The following CATSPERG variants were observed in gnomAD, a reference collection of about 807,000 sequenced individuals.
CATSPERG encodes the protein catsper channel auxiliary subunit gamma.
In CATSPERG, 115 loss-of-function variants were observed where a neutral mutation model predicts 145.0. That is an observed-to-expected ratio of 0.79 (90% CI 0.68 to 0.93). CATSPERG has a LOEUF of 0.93. Among genes scored for constraint, CATSPERG ranks in the 40% least tolerant of loss-of-function variants. CATSPERG has a pLI of 0.00. For synonymous variants in CATSPERG, 588 were observed against 589.0 expected (o/e 1.00, Z 0.02); for missense variants, 1,296 against 1,490.1 (o/e 0.87, Z 2.14).
chr19:38,369,975 GCT>G lies in CATSPERG; in HGVS notation c.3027_3028del (p.Cys1010SerfsTer8), dbSNP rs773580892. 5 of 1,614,054 alleles carry G rather than the reference GCT, an allele frequency of 3.1e-6. No homozygotes were observed. The African/African-American group carries it at 5.3e-5, about 17-fold the overall frequency. The stretch of plus-strand genomic sequence containing the variant: ...CTGCCTGATCTTTGGCTTGCAGGTG[GCT>G]CTGTCTGGAGAATGCCCCATGCTAT... ...MSHESPGIEWLCLENAPCYDN... is the reference protein window; with the variant it reads ...MSHESPGIEWXCLENAPCYDN... On this transcript the variant is annotated frameshift_variant, in exon 27 of 29. Transcript: ENST00000409235. LOFTEE classifies it high-confidence loss of function.
rs1969823797 is a variant in CATSPERG, at chr19:38,335,861, T to C, written c.-29T>C. ...GCGGCCGAGTGACAGTTGACCGGTT[T>C]TAACCAAGTGACTGGTACCACGGGG... On this transcript the variant is annotated 5_prime_UTR_variant, in exon 1 of 29. Coordinates refer to ENST00000409235, the MANE Select transcript of CATSPERG (RefSeq NM_021185.5). 1.3e-5 allele frequency: 3 copies of C among 237,350 alleles called. No homozygotes were observed. The highest frequency in any genetic ancestry group is 1.1e-4 in the South Asian group (3 of 26,252). 14.7% of individuals were successfully genotyped at this position (237,350 alleles called of 1,614,324 possible).
At chr19:38,342,532 A>G (rs1332402833) in intron 3 of CATSPERG, among the ~76,000 whole-genome samples, 1 of 151,426 alleles carries the variant, frequency 6.6e-6, no homozygotes, top group Admixed American at 6.6e-5. Context: ...CCCAGGAGAC[A>G]GAGGCTGCAG....
At chr19:38,341,624 G>A (rs113164688) in intron 3 of CATSPERG, among the ~76,000 whole-genome samples, 2,411 of 152,218 alleles carry the variant, frequency 0.016, 60 homozygotes, top group African/African-American at 0.055. Flanking sequence ...AAATTGGGCC[G>A]GGCATAGTGG....
intron 7 of CATSPERG, 130 bp downstream of exon 7, chr19:38,346,735 G>T (rs1383361953): frequency 1.2e-5 from 10 of 822,958 alleles, no homozygotes; most frequent in Non-Finnish European, 1.7e-5. Context: ...GAGGCAGATA[G>T]CATGAAGAAA....
chr19:38,369,818 C>T (rs78474816), intron 26 of CATSPERG, among the ~76,000 whole-genome samples, 154 bp from the exon 27 acceptor site: 3,640 of 152,246 alleles, frequency 0.024, 56 homozygotes, highest in South Asian at 0.045. Flanking sequence ...GTTCAGTCAG[C>T]ATGAATGAAT....
At chr19:38,341,547 T>C (rs1969938192) in intron 3 of CATSPERG, among the ~76,000 whole-genome samples, 1 of 152,096 alleles carries the variant, frequency 6.6e-6, no homozygotes, top group East Asian at 1.9e-4. Flanking sequence ...GAAGATTGCT[T>C]GAGCCCAAGA....
At chr19:38,360,033 A>C (rs1600474296) in intron 14 of CATSPERG, 1 of 985,284 alleles carries the variant, frequency 1.0e-6, no homozygotes, top group Non-Finnish European at 1.2e-6. Context: ...GGGATCCCCC[A>C]GGTTGTGGCT....
rs1018122170 is a variant in CATSPERG at position 38,354,742 on chromosome 19, A to C, written c.1030A>C (p.Ile344Leu). Residue 344 changes from isoleucine (I) to leucine (L), a missense_variant, in exon 9 of 29, where the codon ATC (isoleucine) becomes CTC (leucine). Ile to Leu is a conservative substitution (Grantham distance 5). Transcript: ENST00000409235. ...SWIRVLASEC[I>L]KKLCPVYFHS... ...GATTCGTGTCCTGGCCAGCGAGTGC[A>C]TCAAGAAGCTGTGCCCTGTGTATTT... 1 of 1,614,210 alleles carries C rather than the reference A, an allele frequency of 6.2e-7. No individual in the cohort carries two copies. Among genetic ancestry groups the C allele is most frequent in the Admixed American group, 1.7e-5 (1 of 60,026 alleles).
chr19:38,355,287 G>A (rs941310906), intron 9 of CATSPERG, among the ~76,000 whole-genome samples: 1 of 152,176 alleles, frequency 6.6e-6, no homozygotes, highest in African/African-American at 2.4e-5. Context: ...GAAGGTTGCA[G>A]TGAGCCGAGA....
Position 38,370,162 on chromosome 19 carries a change from A to C in CATSPERG, c.3117A>C (p.Gly1039=), listed in dbSNP as rs1970521411. 1 of 1,613,732 alleles carries C rather than the reference A, an allele frequency of 6.2e-7. No individual in the cohort carries two copies. Among genetic ancestry groups the C allele is most frequent in the Non-Finnish European group, 8.5e-7 (1 of 1,179,992 alleles). The change falls in exon 28 of 29, where the codon GGA becomes GGC. Residue 1039 remains glycine, a synonymous_variant. Transcript: ENST00000409235. ...GATCCCCTCCCAACCCCTGCAGAGG[A>C]GTGGACACGAGCACCTACTGCAACT... ...FFFKVLVSNR[G]VDTSTYCNYQ...
rs1407397335 is a variant in CATSPERG, at chr19:38,337,245, C to T, written c.11C>T (p.Pro4Leu). 1.3e-6 allele frequency: 2 copies of T among 1,551,278 alleles called. No individual in the cohort carries two copies. The highest frequency in any genetic ancestry group is 3.9e-5 in the Admixed American group (2 of 51,002). MCG[P>L]AMFPAGPPWP... is the part of the protein sequence containing the mutation. ...GGTTCTAGCCACGTTATGTGCGGCC[C>T]AGCCATGTTCCCTGCCGGTCCTCCG... Residue 4 changes from proline (P) to leucine (L), a missense_variant, in exon 2 of 29, where the codon CCA becomes CTA. Transcript: ENST00000409235.
intron 17 of CATSPERG, 72 bp from the exon 18 acceptor site, chr19:38,362,138 T>A: frequency 1.3e-6 from 2 of 1,502,866 alleles, no homozygotes; most frequent in East Asian, 4.9e-5. Flanking sequence ...GGAGGTGGTC[T>A]GGGGATGCCG....
intron 8 of CATSPERG, among the ~76,000 whole-genome samples, chr19:38,354,094 A>T (rs956704862): frequency 1.6e-4 from 25 of 151,760 alleles, no homozygotes; most frequent in African/African-American, 6.0e-4. Flanking sequence ...GAGTCACTGG[A>T]AATTGGACTG....
At chr19:38,367,930 G>T (rs550544246) in intron 25 of CATSPERG, 118 bp from the exon 26 acceptor site, 2 of 1,142,410 alleles carry the variant, frequency 1.8e-6, no homozygotes, top group Non-Finnish European at 2.6e-6. Flanking sequence ...ACTCCTGCCC[G>T]CCCCTAACAC....
At chr19:38,347,181 AG>A (rs1970054297) in intron 7 of CATSPERG, among the ~76,000 whole-genome samples, 1 of 152,180 alleles carries the variant, frequency 6.6e-6, no homozygotes, top group Admixed American at 6.5e-5. Flanking sequence ...ACTGCACTTC[AG>A]CCTGGGAGAC....
At position 38,340,342 on chromosome 19, in the gene CATSPERG, A is replaced by G. The variant is rs563769110; in HGVS notation, c.324+2696A>G. On this transcript the variant is annotated intron_variant, in intron 3 of 28. Coordinates refer to ENST00000409235, the MANE Select transcript of CATSPERG (RefSeq NM_021185.5). The stretch of plus-strand genomic sequence containing the variant: ...GTCTTTTTTTTTTTCTTTTTTTGAG[A>G]CAGGGTCTCACTCTGTCACCCAGGC... Among the ~76,000 whole-genome samples, 6 of 150,232 alleles carry G rather than the reference A, an allele frequency of 4.0e-5. No homozygotes were observed. In the South Asian group the frequency reaches 1.3e-3, roughly 32 times the overall value.
At chr19:38,342,593 C>A (rs1568371593) in intron 3 of CATSPERG, among the ~76,000 whole-genome samples, 2 of 148,368 alleles carry the variant, frequency 1.3e-5, no homozygotes, top group East Asian at 2.0e-4. Flanking sequence ...GAGTGAGACT[C>A]CTTCTTGAAA....
chr19:38,370,174 C>T lies in CATSPERG; in HGVS notation c.3129C>T (p.Ser1043=), dbSNP rs1304122446. ...ACCCCTGCAGAGGAGTGGACACGAG[C>T]ACCTACTGCAACTACCAGCTCACCT... The part of the protein sequence containing the change: ...VLVSNRGVDT[S]TYCNYQLTFL... The change falls in exon 28 of 29, where the codon AGC becomes AGT. Residue 1043 remains serine (S), a synonymous_variant. Coordinates refer to ENST00000409235, the MANE Select transcript of CATSPERG (RefSeq NM_021185.5). 1 of 1,613,850 alleles carries T rather than the reference C, an allele frequency of 6.2e-7. No homozygotes were observed. Among genetic ancestry groups the T allele is most frequent in the African/African-American group, 1.3e-5 (1 of 75,048 alleles).
At chr19:38,351,452 C>A (rs1970137883) in intron 7 of CATSPERG, among the ~76,000 whole-genome samples, 1 of 151,544 alleles carries the variant, frequency 6.6e-6, no homozygotes, top group Non-Finnish European at 1.5e-5. Flanking sequence ...ACTAAAAATA[C>A]AAAAAATTAG....
Sources: allele counts gnomAD v4.1 joint callset (sites outside exome capture counted in the v4.1 genomes callset), GRCh38; gene constraint gnomAD v4.1.1; transcripts MANE v1.5; gene names NCBI Gene and HGNC (gene_info 2026-07-23, HGNC 2026-07-21).